Variants in PDE4D observed in about 807,000 individuals in gnomAD.
PDE4D encodes the protein 3',5'-cyclic-AMP phosphodiesterase 4D.
PDE4D carries 24 observed loss-of-function variants against 87.4 expected under a neutral mutation model. The observed-to-expected ratio is 0.27, with a 90% CI of 0.20 to 0.39. PDE4D has a LOEUF of 0.39. Ranked by LOEUF, PDE4D falls within the 10% of genes least tolerant of loss-of-function variation. The pLI is 1.00. For missense variants in PDE4D, 714 were observed against 1,041.0 expected, an observed-to-expected ratio of 0.69 and a Z score of 4.32; for synonymous variants, 384 against 383.2, an observed-to-expected ratio of 1.00 and a Z score of -0.02.
intron 2 of PDE4D, among the ~76,000 whole-genome samples, chr5:59,198,121 C>T (rs1417562464): frequency 6.6e-6 from 1 of 152,032 alleles, no homozygotes; most frequent in Non-Finnish European, 1.5e-5. Context: ...GAGGATGATG[C>T]AATACTGTCT....
At chr5:59,882,424 T>C (rs1334867408) in intron 1 of PDE4D, among the ~76,000 whole-genome samples, 1 of 152,214 alleles carries the variant, frequency 6.6e-6, no homozygotes, top group African/African-American at 2.4e-5. Context: ...GATTTAAAAA[T>C]GCTTCCAAGT....
At chr5:59,058,928 AG>A (rs1762735303) in intron 5 of PDE4D, among the ~76,000 whole-genome samples, 1 of 152,152 alleles carries the variant, frequency 6.6e-6, no homozygotes, top group South Asian at 2.1e-4. Context: ...TAGTAATTAA[AG>A]CTTCTCAGGT....
chr5:59,473,715 G>T (rs915952198), intron 1 of PDE4D, among the ~76,000 whole-genome samples: 1 of 152,094 alleles, frequency 6.6e-6, no homozygotes, highest in Non-Finnish European at 1.5e-5. Flanking sequence ...AATTTGTGAA[G>T]CTAGAGCTCA....
intron 1 of PDE4D, among the ~76,000 whole-genome samples, chr5:59,224,137 A>T: frequency 6.7e-6 from 1 of 150,100 alleles, no homozygotes; most frequent in Non-Finnish European, 1.5e-5. Context: ...AAAAAAAAAA[A>T]AAAAAAAAAA....
intron 1 of PDE4D, among the ~76,000 whole-genome samples, chr5:59,644,959 G>T (rs1742203391): frequency 6.6e-6 from 1 of 152,136 alleles, no homozygotes; most frequent in Admixed American, 6.5e-5. Context: ...GCCTACTGGA[G>T]CCCAGCTGTT....
chr5:59,988,036 C>T (rs1376485639), intron 3 of PDE4D: 1 of 153,348 alleles, frequency 6.5e-6, no homozygotes, highest in Non-Finnish European at 1.5e-5. Flanking sequence ...TTTTTAGACT[C>T]ATGAATACCA....
intron 1 of PDE4D, among the ~76,000 whole-genome samples, chr5:59,657,683 T>G (rs1305447289): frequency 6.6e-6 from 1 of 152,208 alleles, no homozygotes; most frequent in Non-Finnish European, 1.5e-5. Flanking sequence ...TATTTAATTC[T>G]TGCAGAATAT....
rs1759157043 is a variant in PDE4D, at chr5:59,247,842, CT to C, written c.456-31875del. Among the ~76,000 whole-genome samples the C allele has an allele frequency of 2.6e-5, 4 of 151,800 alleles. No homozygotes were observed. The South Asian group carries it at 8.3e-4, about 32-fold the overall frequency. The stretch of plus-strand genomic sequence containing the variant: ...GTTAACTTGAACATACGTCTTATCT[CT>C]GATTACTACTGGCTTCTGCTTTAAT... On this transcript the variant is annotated intron_variant, in intron 1 of 14. Coordinates refer to ENST00000340635, the MANE Select transcript of PDE4D (RefSeq NM_001104631.2).
At chr5:60,353,322 C>A (rs1389913753) in intron 1 of PDE4D, among the ~76,000 whole-genome samples, 1 of 152,208 alleles carries the variant, frequency 6.6e-6, no homozygotes, top group Non-Finnish European at 1.5e-5. Flanking sequence ...GCTCTCAGCT[C>A]CCAAATCATA....
chr5:59,039,545 G>T, intron 5 of PDE4D: 1 of 984,652 alleles, frequency 1.0e-6, no homozygotes, highest in Non-Finnish European at 1.2e-6. Flanking sequence ...TCCTCGGGCG[G>T]CAGGCGCAGC....
At chr5:59,186,526 G>C (rs926662192) in intron 3 of PDE4D, among the ~76,000 whole-genome samples, 3 of 152,160 alleles carry the variant, frequency 2.0e-5, no homozygotes, top group Admixed American at 6.5e-5. Context: ...AAAGTTTCCA[G>C]AGTTGTTTTC....
At chr5:60,349,247 T>C (rs530521752) in intron 1 of PDE4D, among the ~76,000 whole-genome samples, 1 of 152,242 alleles carries the variant, frequency 6.6e-6, no homozygotes, top group South Asian at 2.1e-4. Context: ...GATATTTTCG[T>C]ATTAAATACA....
chr5:59,220,595 A>G (rs535685293), intron 1 of PDE4D, among the ~76,000 whole-genome samples: 24 of 152,232 alleles, frequency 1.6e-4, no homozygotes, highest in Non-Finnish European at 2.6e-4. Context: ...TTAACTGAGA[A>G]TTAGACACTT....
At chr5:59,120,298 C>T (rs1036515625) in intron 5 of PDE4D, among the ~76,000 whole-genome samples, 1 of 152,144 alleles carries the variant, frequency 6.6e-6, no homozygotes, top group Non-Finnish European at 1.5e-5. Context: ...AAGGTTGTGT[C>T]CTACCTTTCT....
At chr5:59,767,507 G>C (rs17369708) in intron 1 of PDE4D, among the ~76,000 whole-genome samples, 30,380 of 151,272 alleles carry the variant, frequency 0.2, 3,395 homozygotes, top group South Asian at 0.26. Flanking sequence ...AGGAAAAGAT[G>C]AGGAATCCTC....
Position 59,275,415 on chromosome 5 carries a change from T to A in PDE4D, c.456-59447A>T, listed in dbSNP as rs770077383. 23 of 1,595,448 alleles carry A rather than the reference T, an allele frequency of 1.4e-5. No individual in the cohort carries two copies. In the Admixed American group the frequency reaches 3.7e-4, roughly 26 times the overall value. Reference sequence around the variant, plus strand: ...TAATAATGCTCATTTTGAAAAAAAATAAAAAGGAAAATAAGTCTTCAACTA... The same window carrying A: ...TAATAATGCTCATTTTGAAAAAAAAAAAAAAGGAAAATAAGTCTTCAACTA... On this transcript the variant is annotated intron_variant, in intron 1 of 14. Coordinates refer to ENST00000340635, the MANE Select transcript of PDE4D (RefSeq NM_001104631.2).
chr5:60,191,034 T>C (rs1785158706), intron 1 of PDE4D, among the ~76,000 whole-genome samples: 1 of 152,180 alleles, frequency 6.6e-6, no homozygotes, highest in African/African-American at 2.4e-5. Context: ...CTTAGATTCA[T>C]GCCCTTTAAT....
At chr5:60,483,387 C>T (rs1748883866) in intron 1 of PDE4D, among the ~76,000 whole-genome samples, 2 of 152,084 alleles carry the variant, frequency 1.3e-5, no homozygotes. Flanking sequence ...TTGGTCATTC[C>T]TTCATTATTA....
chr5:59,914,788 C>T, intron 3 of PDE4D, among the ~76,000 whole-genome samples: 1 of 148,824 alleles, frequency 6.7e-6, no homozygotes, highest in Non-Finnish European at 1.5e-5. Flanking sequence ...AGAAAGATAA[C>T]TGGCTTGGCC....
Sources: allele counts gnomAD v4.1 joint callset (sites outside exome capture counted in the v4.1 genomes callset), GRCh38; gene constraint gnomAD v4.1.1; transcripts MANE v1.5; gene names NCBI Gene and HGNC (gene_info 2026-07-23, HGNC 2026-07-21).